DNAJC8: variants seen among roughly 807,000 people sequenced by gnomAD.
The protein encoded by DNAJC8 is dnaJ homolog subfamily C member 8.
A neutral mutation model predicts 43.2 loss-of-function variants in DNAJC8; 24 were observed. The observed-to-expected ratio is 0.56, with a 90% CI of 0.40 to 0.78. The LOEUF is 0.78. Ranked by LOEUF, DNAJC8 falls within the 30% of genes least tolerant of loss-of-function variation. The pLI is 0.00. For synonymous variants in DNAJC8, 83 were observed against 98.0 expected (o/e 0.85, Z 0.90); for missense variants, 207 against 299.4 (o/e 0.69, Z 2.28).
intron 2 of DNAJC8, among the ~76,000 whole-genome samples, chr1:28,216,691 G>C (rs1320201224): frequency 1.3e-5 from 2 of 151,906 alleles, no homozygotes. Context: ...GGACAGCTGG[G>C]CCCATTTGCA....
At chr1:28,206,001 T>G (rs1023042637) in intron 6 of DNAJC8, among the ~76,000 whole-genome samples, 7 of 152,068 alleles carry the variant, frequency 4.6e-5, no homozygotes, top group Non-Finnish European at 8.8e-5. Flanking sequence ...CTGAGCAACA[T>G]AGTGAGATCC....
rs1405110582 is a variant in DNAJC8 at position 28,210,649 on chromosome 1, GA to G, written c.238-13del. The G allele has an allele frequency of 6.2e-7, 1 of 1,612,062 alleles. No individual in the cohort carries two copies. The highest frequency in any genetic ancestry group is 1.1e-5 in the South Asian group (1 of 90,940). ...ACCAAGATGGATAACTACAATAAGA[GA>G]AAAGTTGGGGTTGTCAATAAGGGAA... On this transcript the variant is annotated splice_polypyrimidine_tract_variant and intron_variant, in intron 3 of 8. Transcript: ENST00000263697.
At chr1:28,217,333 C>T (rs1236071044) in intron 2 of DNAJC8, among the ~76,000 whole-genome samples, 1 of 151,846 alleles carries the variant, frequency 6.6e-6, no homozygotes, top group Non-Finnish European at 1.5e-5. Context: ...GAGATGGGGT[C>T]TCCCTGGCCA....
At chr1:28,216,882 C>T (rs1646859322) in intron 2 of DNAJC8, among the ~76,000 whole-genome samples, 1 of 145,346 alleles carries the variant, frequency 6.9e-6, no homozygotes, top group African/African-American at 2.6e-5. Context: ...GATCTCGGCT[C>T]ACTGCCACCT....
chr1:28,210,456 C>A, intron 4 of DNAJC8, 115 bp downstream of exon 4: 1 of 907,640 alleles, frequency 1.1e-6, no homozygotes, highest in Non-Finnish European at 1.7e-6. Context: ...AAAACCACAG[C>A]TTCTTGGTGA....
intron 2 of DNAJC8, among the ~76,000 whole-genome samples, chr1:28,218,129 C>T (rs1324144487): frequency 7.3e-6 from 1 of 136,264 alleles, no homozygotes; most frequent in Non-Finnish European, 1.5e-5. Context: ...GAGTTTCGCT[C>T]TTGTTGCCCA....
At chr1:28,206,891 G>A (rs781529310) in intron 6 of DNAJC8, among the ~76,000 whole-genome samples, 1 of 152,118 alleles carries the variant, frequency 6.6e-6, no homozygotes, top group Non-Finnish European at 1.5e-5. Context: ...TAAAAGCAAT[G>A]CTTCAACCCC....
At chr1:28,208,211 A>G (rs1646784189) in intron 6 of DNAJC8, 131 bp downstream of exon 6, 1 of 641,842 alleles carries the variant, frequency 1.6e-6, no homozygotes, top group South Asian at 4.1e-5. Context: ...AGTCTCAAAA[A>G]TAATAAATAA....
At chr1:28,205,422 C>G in intron 6 of DNAJC8, 73 bp from the exon 7 acceptor site, 1 of 1,147,860 alleles carries the variant, frequency 8.7e-7, no homozygotes, top group Non-Finnish European at 1.3e-6. Flanking sequence ...TGTACTTTCA[C>G]CTGGAGTCCA....
intron 6 of DNAJC8, among the ~76,000 whole-genome samples, chr1:28,206,333 C>T (rs1039330578): frequency 1.3e-5 from 2 of 152,086 alleles, no homozygotes; most frequent in African/African-American, 4.8e-5. Flanking sequence ...CTCACTGCAG[C>T]CTCAACTCCT....
chr1:28,208,494 T>A, intron 5 of DNAJC8, 81 bp from the exon 6 acceptor site: 1 of 897,110 alleles, frequency 1.1e-6, no homozygotes, highest in Non-Finnish European at 1.6e-6. Flanking sequence ...ACAATATATT[T>A]AACTTTCTAT....
At chr1:28,202,501 G>C (rs1371305693) in intron 8 of DNAJC8, among the ~76,000 whole-genome samples, 1 of 149,540 alleles carries the variant, frequency 6.7e-6, no homozygotes, top group African/African-American at 2.5e-5. Context: ...GGATGGTTTC[G>C]ATCTCCTGAC....
In DNAJC8 at chr1:28,232,951, G is replaced by A. The variant is rs1557716601; in HGVS notation, c.48C>T (p.Thr16=). Residue 16 remains threonine, a synonymous_variant, in exon 1 of 9, where the codon ACC becomes ACT. Coordinates refer to ENST00000263697, the MANE Select transcript of DNAJC8 (RefSeq NM_014280.3). The part of the protein sequence containing the change: ...ESGTSGGGGS[T]EEAFMTFYSE... ...TGTAGAAGGTCATAAATGCTTCCTC[G>A]GTGCTGCCTCCGCCGCCTGAAGTCC... 6.2e-7 allele frequency: 1 copy of A among 1,613,202 alleles called. No homozygotes were observed. The highest frequency in any genetic ancestry group is 8.5e-7 in the Non-Finnish European group (1 of 1,180,022).
intron 2 of DNAJC8, among the ~76,000 whole-genome samples, chr1:28,221,007 A>C (rs1414992347): frequency 6.6e-6 from 1 of 151,922 alleles, no homozygotes. Flanking sequence ...TCCTGAACTC[A>C]AAATGTAACA....
rs767130060 is a variant in DNAJC8 at position 28,209,984 on chromosome 1, G to A, written c.387C>T (p.Tyr129=). 4.3e-6 allele frequency: 7 copies of A among 1,613,762 alleles called. No homozygotes were observed. Among genetic ancestry groups the A allele is most frequent in the South Asian group, 1.1e-5 (1 of 91,074 alleles). ...TATAAATACTTACAGTGTGTTCCAC[G>A]TATTCTTTTCCTGCCTGAATTACAT... ...ALDVIQAGKE[Y]VEHTVKERKK... The change falls in exon 5 of 9, where the codon TAC becomes TAT. Residue 129 remains tyrosine (Y), a synonymous_variant. Coordinates refer to ENST00000263697, the MANE Select transcript of DNAJC8 (RefSeq NM_014280.3).
Position 28,232,927 on chromosome 1 carries a change from G to A in DNAJC8, c.72C>T (p.Tyr24=), listed in dbSNP as rs955260123. The A allele has an allele frequency of 1.9e-6, 3 of 1,613,198 alleles. No individual in the cohort carries two copies. The highest frequency in any genetic ancestry group is 1.7e-6 in the Non-Finnish European group (2 of 1,180,020). Residue 24 remains tyrosine (Y), a synonymous_variant, in exon 1 of 9, where the codon TAC becomes TAT. Transcript: ENST00000263697. ...GSTEEAFMTF[Y]SEVKQIEKRD... ...CTCCTCACTCTGTGTTCACCTCACT[G>A]TAGAAGGTCATAAATGCTTCCTCGG... is the stretch of plus-strand genomic sequence containing the variant.
At chr1:28,215,810 T>A (rs1385128330) in intron 2 of DNAJC8, among the ~76,000 whole-genome samples, 1 of 151,876 alleles carries the variant, frequency 6.6e-6, no homozygotes, top group East Asian at 1.9e-4. Context: ...GTGCTGGGAT[T>A]ACAGGTGTGA....
intron 8 of DNAJC8, among the ~76,000 whole-genome samples, chr1:28,202,578 CTTTT>C (rs749474061): frequency 0.062 from 8,171 of 131,134 alleles, 286 homozygotes; most frequent in Middle Eastern, 0.11. Context: ...CTCACCCGGC[CTTTT>C]TTTTTCTTTT....
chr1:28,216,181 T>A (rs1350852569), intron 2 of DNAJC8, among the ~76,000 whole-genome samples: 2 of 152,096 alleles, frequency 1.3e-5, no homozygotes, highest in African/African-American at 2.4e-5. Context: ...AAACCCCGTC[T>A]CTACTAAAAA....
Sources: allele counts gnomAD v4.1 joint callset (sites outside exome capture counted in the v4.1 genomes callset), GRCh38; gene constraint gnomAD v4.1.1; transcripts MANE v1.5; gene names NCBI Gene and HGNC (gene_info 2026-07-23, HGNC 2026-07-21).